The following MYH9 variants were observed in gnomAD, a reference collection of about 807,000 sequenced individuals.
The protein encoded by MYH9 is myosin heavy chain 9.
In MYH9, 29 loss-of-function variants were observed where a neutral mutation model predicts 241.9. That is an observed-to-expected ratio of 0.12 (90% CI 0.09 to 0.16). The LOEUF (loss-of-function observed/expected upper bound fraction) is 0.16, where lower values mean the gene tolerates loss of function less well. Ranked by LOEUF, MYH9 falls within the 10% of genes least tolerant of loss-of-function variation. MYH9 has a pLI of 1.00. For synonymous variants in MYH9, 1,047 were observed against 1,062.6 expected (o/e 0.99, Z 0.29); for missense variants, 1,803 against 2,595.5 (o/e 0.69, Z 6.63).
intron 1 of MYH9, among the ~76,000 whole-genome samples, chr22:36,372,632 G>A (rs1489231746): frequency 2.0e-5 from 3 of 152,098 alleles, no homozygotes; most frequent in Non-Finnish European, 4.4e-5. Context: ...CCTCAAACCC[G>A]AGAGGCCTGG....
Position 36,349,153 on chromosome 22 carries a change from G to C in MYH9, c.84C>G (p.Ala28=). The change falls in exon 2 of 41, where the codon GCC becomes GCG. Residue 28 remains alanine (A), a synonymous_variant. Coordinates refer to ENST00000216181, the MANE Select transcript of MYH9 (RefSeq NM_002473.6). ...NNPLAQADWA[A]KKLVWVPSDK... ...CGGAAGGCACCCATACCAGCTTCTT[G>C]GCAGCCCAGTCGGCCTGGGCCAGCG... 6.2e-7 allele frequency: 1 copy of C among 1,614,122 alleles called. No homozygotes were observed. Among genetic ancestry groups the C allele is most frequent in the Admixed American group, 1.7e-5 (1 of 60,010 alleles).
chr22:36,377,877 G>C (rs949083818), intron 1 of MYH9, among the ~76,000 whole-genome samples: 3 of 152,054 alleles, frequency 2.0e-5, no homozygotes, highest in African/African-American at 4.8e-5. Context: ...TGCCACTGCA[G>C]TCCAGCCTGG....
intron 2 of MYH9, among the ~76,000 whole-genome samples, chr22:36,343,190 T>A (rs192354730): frequency 6.6e-6 from 1 of 151,916 alleles, no homozygotes; most frequent in Non-Finnish European, 1.5e-5. Flanking sequence ...CAAGCAGCAA[T>A]TGACTAAAGG....
In MYH9 at chr22:36,300,718, A is replaced by G; in HGVS notation, c.2838+133T>C. The G allele has an allele frequency of 1.0e-6, 1 of 976,224 alleles. No homozygotes were observed. The highest frequency in any genetic ancestry group is 1.6e-6 in the Non-Finnish European group (1 of 636,204). The allele number at this position is 976,224 out of a possible 1,614,324, so 60.5% of individuals were successfully genotyped here. ...CCCAAAGGGAACACCTCTCACTGAG[A>G]GCCCCAAGCAGATTGCGTGAGGAGC... On this transcript the variant is annotated intron_variant, in intron 22 of 40. Coordinates refer to ENST00000216181, the MANE Select transcript of MYH9 (RefSeq NM_002473.6). The surrounding 1 kb of genome is among the most constrained non-coding windows in gnomAD (Gnocchi z 5.0).
At chr22:36,346,853 G>A (rs1320891298) in intron 2 of MYH9, among the ~76,000 whole-genome samples, 3 of 152,008 alleles carry the variant, frequency 2.0e-5, no homozygotes, top group South Asian at 2.1e-4. Context: ...CCATCCTCTC[G>A]TCTTGGCCTC....
intron 38 of MYH9, 27 bp from the exon 39 acceptor site, chr22:36,284,538 G>A: frequency 6.2e-7 from 1 of 1,605,938 alleles, no homozygotes; most frequent in Non-Finnish European, 8.5e-7. Context: ...GTGGCTCAGA[G>A]GGAACACCCT....
intron 1 of MYH9, among the ~76,000 whole-genome samples, chr22:36,354,955 A>AC (rs1475409855): frequency 1.1e-4 from 14 of 126,524 alleles, no homozygotes; most frequent in Admixed American, 7.1e-4. Context: ...ACAAAAAACA[A>AC]AACACACACA....
At chr22:36,316,465 C>T in intron 12 of MYH9, 52 bp downstream of exon 12, 1 of 1,613,576 alleles carries the variant, frequency 6.2e-7, no homozygotes, top group Non-Finnish European at 8.5e-7. Flanking sequence ...AAGGATAAGG[C>T]AACCAACAGG....
Position 36,285,735 on chromosome 22 carries a change from G to C in MYH9, c.5197C>G (p.Gln1733Glu). The change falls in exon 37 of 41, where the codon CAG (glutamine) becomes GAG (glutamate). Residue 1733 changes from glutamine (Q) to glutamate (E), a missense_variant. By Grantham distance (29) the Gln-to-Glu change is conservative. Around this residue, in one of 11 missense-constraint regions of MYH9, gnomAD observed 876 missense variants for 1,077.8 expected, o/e 0.81. Coordinates refer to ENST00000216181, the MANE Select transcript of MYH9 (RefSeq NM_002473.6). The surrounding 1 kb of genome is among the most constrained non-coding windows in gnomAD (Gnocchi z 7.0). ...EKRRLEARIA[Q>E]LEEELEEEQG... is the part of the protein sequence containing the mutation. ...TCCTCCTCCAGCTCCTCCTCCAGCT[G>C]GGCGATGCGGGCCTCCAGACGCCGC... 6.2e-7 allele frequency: 1 copy of C among 1,612,550 alleles called. No individual in the cohort carries two copies.
chr22:36,299,120 C>T (rs982658730), intron 23 of MYH9, 78 bp from the exon 24 acceptor site: 33 of 1,587,400 alleles, frequency 2.1e-5, no homozygotes, highest in African/African-American at 6.7e-5. Context: ...ATGACTCGCC[C>T]GGAAATCTGG....
rs1198016593 is a variant in MYH9 at position 36,281,752 on chromosome 22, T to G, written c.*916A>C. On this transcript the variant is annotated 3_prime_UTR_variant, in exon 41 of 41. Coordinates refer to ENST00000216181, the MANE Select transcript of MYH9 (RefSeq NM_002473.6). ...TTTTTAAACTATACTGAGTCAACGG[T>G]GCAGGTAAACCACCCTCGGGCCCAG... 3 of 231,182 alleles carry G rather than the reference T, an allele frequency of 1.3e-5. No homozygotes were observed. Among genetic ancestry groups the G allele is most frequent in the Non-Finnish European group, 1.7e-5 (2 of 116,520 alleles). The allele number at this position is 231,182 out of a possible 1,614,324, so 14.3% of individuals were successfully genotyped here.
chr22:36,336,340 G>T (rs570608581), intron 3 of MYH9, among the ~76,000 whole-genome samples: 2 of 152,224 alleles, frequency 1.3e-5, no homozygotes, highest in Admixed American at 6.5e-5. Flanking sequence ...GGTCTGGCCC[G>T]GGATCCAGAA....
At chr22:36,341,197 G>A (rs1366860480) in intron 3 of MYH9, among the ~76,000 whole-genome samples, 173 bp downstream of exon 3, 1 of 152,184 alleles carries the variant, frequency 6.6e-6, no homozygotes, top group Non-Finnish European at 1.5e-5. Flanking sequence ...CATGTCCTCT[G>A]GATAGCCACT....
At chr22:36,335,745 A>T (rs1340772819) in intron 3 of MYH9, among the ~76,000 whole-genome samples, 3 of 152,142 alleles carry the variant, frequency 2.0e-5, no homozygotes, top group Non-Finnish European at 4.4e-5. Flanking sequence ...AATGAGGGGC[A>T]CCAATGCCCC....
At chr22:36,358,116 A>G (rs136204) in intron 1 of MYH9, among the ~76,000 whole-genome samples, 86,527 of 152,032 alleles carry the variant, frequency 0.57, 26,403 homozygotes, top group Non-Finnish European at 0.7. Flanking sequence ...TCAGGCTGGA[A>G]TGCAGTGGCG....
At chr22:36,312,839 T>C (rs145315350) in intron 13 of MYH9, among the ~76,000 whole-genome samples, 130 of 152,314 alleles carry the variant, frequency 8.5e-4, no homozygotes, top group African/African-American at 2.7e-3. Context: ...CCAGGCGCGG[T>C]GGCTCACGCC....
intron 10 of MYH9, among the ~76,000 whole-genome samples, chr22:36,319,307 A>G (rs192272542): frequency 1.1e-4 from 16 of 152,308 alleles, no homozygotes; most frequent in Middle Eastern, 6.8e-3. Context: ...AGGAATGAAT[A>G]AGGGAAGCCC....
chr22:36,305,324 C>A lies in MYH9; in HGVS notation c.2160-222G>T, dbSNP rs1207299470. Among the ~76,000 whole-genome samples, 1 of 152,206 alleles carries A rather than the reference C, an allele frequency of 6.6e-6. No individual in the cohort carries two copies. Among genetic ancestry groups the A allele is most frequent in the Non-Finnish European group, 1.5e-5 (1 of 68,040 alleles). On this transcript the variant is annotated intron_variant, in intron 17 of 40. Coordinates refer to ENST00000216181, the MANE Select transcript of MYH9 (RefSeq NM_002473.6). The surrounding 1 kb of genome is among the most constrained non-coding windows in gnomAD (Gnocchi z 4.7). Reference sequence around the variant, plus strand: ...GTGTTTTCCGGAAAGTGAATGGAAACTCGTGTAGGACCGTTTCAATCACTC... The same window carrying A: ...GTGTTTTCCGGAAAGTGAATGGAAAATCGTGTAGGACCGTTTCAATCACTC...
Position 36,298,989 on chromosome 22 carries a change from T to C in MYH9, c.3030A>G (p.Glu1010=). The C allele has an allele frequency of 6.2e-7, 1 of 1,614,128 alleles. No homozygotes were observed. Among genetic ancestry groups the C allele is most frequent in the South Asian group, 1.1e-5 (1 of 91,084 alleles). ...RIAEFTTNLT[E]EEEKSKSLAK... is the part of the protein sequence containing the mutation. ...CGAGGCTCTTAGATTTCTCCTCCTCTTCTGTGAGGTTGGTGGTGAACTCAG... is the reference window on the plus strand; with the variant it reads ...CGAGGCTCTTAGATTTCTCCTCCTCCTCTGTGAGGTTGGTGGTGAACTCAG... Residue 1010 remains glutamate (E), a synonymous_variant, in exon 24 of 41, where the codon GAA becomes GAG. Coordinates refer to ENST00000216181, the MANE Select transcript of MYH9 (RefSeq NM_002473.6).
Sources: allele counts gnomAD v4.1 joint callset (sites outside exome capture counted in the v4.1 genomes callset), GRCh38; gene constraint gnomAD v4.1.1; regional missense constraint gnomAD v4.1.1; non-coding constraint Gnocchi (gnomAD v3.1); transcripts MANE v1.5; gene names NCBI Gene and HGNC (gene_info 2026-07-23, HGNC 2026-07-21).